Variants in SGCZ observed in about 807,000 individuals in gnomAD.
SGCZ encodes the protein sarcoglycan zeta.
SGCZ carries 40 observed loss-of-function variants against 41.3 expected under a neutral mutation model. That is an observed-to-expected ratio of 0.97 (90% CI 0.75 to 1.26). SGCZ has a LOEUF of 1.26. SGCZ is among the 50% of genes most tolerant of loss of function. The pLI, the probability that SGCZ is intolerant of heterozygous loss-of-function variation, is 0.00. For missense variants in SGCZ, 552 were observed against 369.8 expected, an observed-to-expected ratio of 1.49 and a Z score of -4.04; for synonymous variants, 206 against 137.5, an observed-to-expected ratio of 1.50 and a Z score of -3.49.
At chr8:14,299,443 A>T (rs1801117245) in intron 3 of SGCZ, among the ~76,000 whole-genome samples, 2 of 152,050 alleles carry the variant, frequency 1.3e-5, no homozygotes, top group South Asian at 4.1e-4. Flanking sequence ...GAATATATAA[A>T]CAATTCCTAC....
intron 2 of SGCZ, among the ~76,000 whole-genome samples, chr8:14,410,894 C>T (rs936048886): frequency 2.0e-5 from 3 of 152,018 alleles, no homozygotes; most frequent in Non-Finnish European, 4.4e-5. Context: ...GTTTAAAAAG[C>T]AGAAATGTTT....
At chr8:14,998,370 G>A (rs1402366903) in intron 1 of SGCZ, among the ~76,000 whole-genome samples, 1 of 152,166 alleles carries the variant, frequency 6.6e-6, no homozygotes, top group African/African-American at 2.4e-5. Flanking sequence ...GTAGCTATAA[G>A]CTTTCCAGTA....
At chr8:14,513,557 G>A (rs1410073878) in intron 2 of SGCZ, among the ~76,000 whole-genome samples, 1 of 96,924 alleles carries the variant, frequency 1.0e-5, no homozygotes, top group Non-Finnish European at 2.2e-5. Flanking sequence ...AGATCTGAGT[G>A]TTCATCTATA....
intron 1 of SGCZ, among the ~76,000 whole-genome samples, chr8:14,915,257 A>G (rs895295324): frequency 6.6e-6 from 1 of 152,194 alleles, no homozygotes; most frequent in Non-Finnish European, 1.5e-5. Context: ...TTGAACATGT[A>G]TATATGCTGT....
chr8:14,604,791 T>C (rs1271827916), intron 1 of SGCZ, among the ~76,000 whole-genome samples: 1 of 152,130 alleles, frequency 6.6e-6, no homozygotes, highest in Non-Finnish European at 1.5e-5. Flanking sequence ...AAAGAAGAAA[T>C]AGTCCATGGA....
At chr8:14,127,580 C>A (rs989129960) in intron 5 of SGCZ, among the ~76,000 whole-genome samples, 2 of 152,026 alleles carry the variant, frequency 1.3e-5, no homozygotes, top group African/African-American at 2.4e-5. Context: ...CTCAGCCTCC[C>A]GAGTAGCTGG....
intron 1 of SGCZ, among the ~76,000 whole-genome samples, chr8:15,170,396 G>A (rs1229244649): frequency 6.6e-6 from 1 of 152,154 alleles, no homozygotes; most frequent in East Asian, 1.9e-4. Flanking sequence ...CAATTTCCCA[G>A]CCTTGAATAA....
At chr8:15,089,552 G>A (rs143937641) in intron 1 of SGCZ, among the ~76,000 whole-genome samples, 42 of 152,080 alleles carry the variant, frequency 2.8e-4, no homozygotes, top group Non-Finnish European at 4.1e-4. Context: ...AACTTTCATC[G>A]AGTTTATAGT....
At chr8:14,265,894 A>G (rs146337542) in intron 3 of SGCZ, among the ~76,000 whole-genome samples, 1 of 152,084 alleles carries the variant, frequency 6.6e-6, no homozygotes, top group Non-Finnish European at 1.5e-5. Context: ...AGAAATAACT[A>G]GTGAAGTCAG....
intron 1 of SGCZ, among the ~76,000 whole-genome samples, chr8:14,580,579 C>G (rs1447885973): frequency 6.6e-6 from 1 of 152,064 alleles, no homozygotes; most frequent in East Asian, 1.9e-4. Flanking sequence ...ATCCCATTTT[C>G]ATGGAGAAAA....
chr8:14,428,979 CG>C (rs1393173134), intron 2 of SGCZ, among the ~76,000 whole-genome samples: 1 of 152,020 alleles, frequency 6.6e-6, no homozygotes, highest in African/African-American at 2.4e-5. Context: ...AATCAGATTA[CG>C]GAAGAGGTAT....
At chr8:14,807,446 A>G (rs559219518) in intron 1 of SGCZ, among the ~76,000 whole-genome samples, 4 of 152,308 alleles carry the variant, frequency 2.6e-5, no homozygotes, top group South Asian at 2.1e-4. Flanking sequence ...GCAGACAAAC[A>G]GAGAGCCAAA....
chr8:15,106,295 A>C (rs1003710476), intron 1 of SGCZ, among the ~76,000 whole-genome samples: 1 of 152,098 alleles, frequency 6.6e-6, no homozygotes, highest in African/African-American at 2.4e-5. Flanking sequence ...TGTCACATGC[A>C]TTTATAAGAC....
intron 2 of SGCZ, among the ~76,000 whole-genome samples, chr8:14,526,001 T>C (rs1431373725): frequency 6.6e-6 from 1 of 152,076 alleles, no homozygotes; most frequent in East Asian, 1.9e-4. Context: ...GCAGTAGTAG[T>C]ATTAGGTTTC....
At chr8:14,096,953 TTCA>T (rs1018656607) in intron 7 of SGCZ, among the ~76,000 whole-genome samples, 1 of 152,132 alleles carries the variant, frequency 6.6e-6, no homozygotes, top group African/African-American at 2.4e-5. Flanking sequence ...TGATATCCCC[TTCA>T]TCATTTTTTA....
Position 14,166,299 on chromosome 8 carries a change from A to G in SGCZ, c.425-1597T>C, listed in dbSNP as rs568084828. On this transcript the variant is annotated intron_variant, in intron 4 of 7. Coordinates refer to ENST00000382080, the MANE Select transcript of SGCZ (RefSeq NM_139167.4). ...CATTGAAGACCTATTGTCCTTGGTC[A>G]TAGTTGTTGCATTTGATCTTGAAAA... 9.2e-5 allele frequency among the ~76,000 whole-genome samples: 14 copies of G among 152,316 alleles called. No individual in the cohort carries two copies. In the South Asian group the frequency reaches 2.3e-3, roughly 25 times the overall value.
chr8:15,097,112 C>T (rs966953061), intron 1 of SGCZ, among the ~76,000 whole-genome samples: 11 of 152,106 alleles, frequency 7.2e-5, no homozygotes, highest in Non-Finnish European at 1.6e-4. Flanking sequence ...CGCTGGGATC[C>T]ATAAACTGTA....
intron 2 of SGCZ, among the ~76,000 whole-genome samples, chr8:14,374,390 T>G (rs139149413): frequency 0.02 from 3,016 of 152,264 alleles, 80 homozygotes; most frequent in African/African-American, 0.056. Flanking sequence ...GATAGTTTTT[T>G]AGGAACAAAA....
intron 1 of SGCZ, among the ~76,000 whole-genome samples, chr8:14,784,053 GTTTT>G (rs67722353): frequency 0.48 from 69,651 of 145,450 alleles, 18,385 homozygotes; most frequent in Non-Finnish European, 0.59. Context: ...TTAATTTAAT[GTTTT>G]TTTTTTTTTT....
Sources: gnomAD v4.1 joint callset for allele counts (sites outside exome capture counted in the v4.1 genomes callset) on GRCh38, gnomAD v4.1.1 for gene constraint, MANE v1.5 for transcripts, NCBI Gene and HGNC (gene_info 2026-07-23, HGNC 2026-07-21) for gene names.